Variants in PLAC1 observed in about 807,000 individuals in gnomAD.
PLAC1 encodes placenta-specific protein 1.
For missense variants in PLAC1, 136 were observed against 163.2 expected (o/e 0.83, Z 0.91); for synonymous variants, 68 against 62.1 (o/e 1.09, Z -0.44).
chrX:134,723,923 A>C (rs1355406785), intron 2 of PLAC1, among the ~76,000 whole-genome samples: 4 of 110,956 alleles, frequency 3.6e-5, no homozygotes, highest in African/African-American at 3.3e-5. Flanking sequence ...GGGAGTGCTA[A>C]GAATGGCATA....
chrX:134,588,076 T>A (rs1396295051), intron 2 of PLAC1, among the ~76,000 whole-genome samples: 1 of 111,679 alleles, frequency 9.0e-6, no homozygotes, highest in East Asian at 2.8e-4. Context: ...GTATTCTTTC[T>A]GAGAGCATTT....
intron 2 of PLAC1, among the ~76,000 whole-genome samples, chrX:134,732,607 G>A (rs767866809): frequency 1.8e-5 from 2 of 111,954 alleles, no homozygotes; most frequent in Admixed American, 1.9e-4. Flanking sequence ...CTTAAATGCT[G>A]AGATAGGGCC....
At chrX:134,741,780 G>C (rs2078717683) in intron 1 of PLAC1, among the ~76,000 whole-genome samples, 1 of 107,239 alleles carries the variant, frequency 9.3e-6, no homozygotes, top group South Asian at 4.2e-4. Flanking sequence ...TTTTCCAAAA[G>C]AATGAGATGC....
intron 1 of PLAC1, among the ~76,000 whole-genome samples, chrX:134,759,299 C>T (rs934208398): frequency 3.6e-5 from 4 of 110,564 alleles, no homozygotes; most frequent in East Asian, 2.8e-4. Flanking sequence ...TACAGGTGTG[C>T]GCCACCATGC....
chrX:134,627,597 C>G (rs2124414222), intron 1 of PLAC1, among the ~76,000 whole-genome samples: 1 of 112,626 alleles, frequency 8.9e-6, no homozygotes, highest in African/African-American at 3.2e-5. Flanking sequence ...ATAGGAAGAT[C>G]TCCACGATAT....
chrX:134,717,097 A>T (rs1162582537), intron 2 of PLAC1, among the ~76,000 whole-genome samples: 1 of 111,913 alleles, frequency 8.9e-6, no homozygotes, highest in Non-Finnish European at 1.9e-5. Context: ...TGACTCAGTG[A>T]AAAAGAGTAC....
chrX:134,648,048 A>G (rs1264774369), intron 1 of PLAC1, among the ~76,000 whole-genome samples: 1 of 111,252 alleles, frequency 9.0e-6, no homozygotes, highest in African/African-American at 3.3e-5. Context: ...TACAGATAGC[A>G]CCCCACCCCT....
chrX:134,578,230 G>A (rs2077950849), intron 2 of PLAC1, among the ~76,000 whole-genome samples: 2 of 110,161 alleles, frequency 1.8e-5, no homozygotes, highest in Non-Finnish European at 1.9e-5. Context: ...TGGCTAACAC[G>A]GTGAAACCCC....
intron 2 of PLAC1, among the ~76,000 whole-genome samples, chrX:134,672,071 T>G (rs2078457688): frequency 8.9e-6 from 1 of 111,959 alleles, no homozygotes; most frequent in African/African-American, 3.3e-5. Flanking sequence ...CAAAGTACAC[T>G]GCCTGTCATA....
intron 1 of PLAC1, among the ~76,000 whole-genome samples, chrX:134,750,868 T>G (rs2078741398): frequency 6.7e-5 from 1 of 14,927 alleles, no homozygotes; most frequent in African/African-American, 5.5e-4. Flanking sequence ...TATTTTTATA[T>G]ATATATATTT....
At chrX:134,624,871 G>T (rs2078227643) in intron 1 of PLAC1, among the ~76,000 whole-genome samples, 1 of 109,687 alleles carries the variant, frequency 9.1e-6, no homozygotes, top group Non-Finnish European at 1.9e-5. Context: ...TGCCTAATTT[G>T]CCTGCTAATG....
upstream of PLAC1, among the ~76,000 whole-genome samples, chrX:134,662,590 T>C (rs181669527): frequency 6.2e-5 from 7 of 112,421 alleles, no homozygotes; most frequent in African/African-American, 1.9e-4. Flanking sequence ...GGATGATTTT[T>C]ACATTTTTAA....
chrX:134,753,557 G>A (rs191971739), intron 1 of PLAC1, among the ~76,000 whole-genome samples: 16 of 110,221 alleles, frequency 1.5e-4, no homozygotes, highest in African/African-American at 5.3e-4. Flanking sequence ...TACTTCTCCA[G>A]CACTATAACT....
intron 1 of PLAC1, among the ~76,000 whole-genome samples, chrX:134,630,706 G>A (rs1217842519): frequency 1.8e-5 from 2 of 111,886 alleles, no homozygotes; most frequent in Non-Finnish European, 3.8e-5. Context: ...ACTTGAGTTG[G>A]AATCTTAACT....
chrX:134,709,362 A>T (rs1411397088), intron 2 of PLAC1, among the ~76,000 whole-genome samples: 1 of 112,538 alleles, frequency 8.9e-6, no homozygotes, highest in Non-Finnish European at 1.9e-5. Context: ...ACAGTGGCTC[A>T]CGCCTATAAT....
intron 2 of PLAC1, among the ~76,000 whole-genome samples, chrX:134,581,769 G>A (rs1044379832): frequency 2.7e-5 from 3 of 110,855 alleles, no homozygotes; most frequent in East Asian, 2.8e-4. Context: ...GTGAGCCACC[G>A]AGCCCGGCCC....
At chrX:134,719,683 G>A (rs2078652397) in intron 2 of PLAC1, among the ~76,000 whole-genome samples, 1 of 111,204 alleles carries the variant, frequency 9.0e-6, no homozygotes, top group Non-Finnish European at 1.9e-5. Context: ...CCAGCTACTC[G>A]GGAGGCTGAG....
intron 2 of PLAC1, among the ~76,000 whole-genome samples, chrX:134,577,263 C>T (rs1008170791): frequency 8.9e-6 from 1 of 111,767 alleles, no homozygotes; most frequent in African/African-American, 3.3e-5. Flanking sequence ...TAAAAGTTGT[C>T]CAAAAATGGA....
At chrX:134,637,773 G>A (rs1032296018) in intron 1 of PLAC1, among the ~76,000 whole-genome samples, 2 of 111,489 alleles carry the variant, frequency 1.8e-5, no homozygotes, top group South Asian at 3.8e-4. Flanking sequence ...GCTTGAACCC[G>A]GGAGGCAGAG....
Sources: gnomAD v4.1 joint callset for allele counts (sites outside exome capture counted in the v4.1 genomes callset) on GRCh38, gnomAD v4.1.1 for gene constraint, MANE v1.5 for transcripts, NCBI Gene and HGNC (gene_info 2026-07-23, HGNC 2026-07-21) for gene names.